The following SHCBP1L variants were observed in gnomAD, a reference collection of about 807,000 sequenced individuals.
The protein encoded by SHCBP1L is testicular spindle-associated protein SHCBP1L.
SHCBP1L carries 67 observed loss-of-function variants against 62.5 expected under a neutral mutation model. The observed-to-expected ratio is 1.07, with a 90% CI of 0.88 to 1.31. SHCBP1L has a LOEUF of 1.31. Among genes scored for constraint, SHCBP1L ranks in the 40% most tolerant of loss-of-function variants. The pLI is 0.00. For synonymous variants in SHCBP1L, 284 were observed against 289.4 expected, an observed-to-expected ratio of 0.98 and a Z score of 0.19; for missense variants, 823 against 809.8, an observed-to-expected ratio of 1.02 and a Z score of -0.20.
At chr1:182,924,709 A>AAGGG (rs1557996594) in intron 6 of SHCBP1L, among the ~76,000 whole-genome samples, 3 of 43,370 alleles carry the variant, frequency 6.9e-5, no homozygotes, top group African/African-American at 1.6e-4. Context: ...AGGAAGAAAG[A>AAGGG]AAGAAAGAAA....
In SHCBP1L at chr1:182,905,651, T is replaced by G; in HGVS notation, c.1183-2A>C. 1 of 1,608,598 alleles carries G rather than the reference T, an allele frequency of 6.2e-7. No individual in the cohort carries two copies. The highest frequency in any genetic ancestry group is 1.7e-5 in the Admixed American group (1 of 58,260). On this transcript the variant is annotated splice_acceptor_variant, in intron 6 of 9. Transcript: ENST00000367547. LOFTEE classifies it high-confidence loss of function. The stretch of plus-strand genomic sequence containing the variant: ...TGTGTCTGAAGATAAATCCTTTATC[T>G]AAAAAGAAATAAAACACTTGCGCTT...
Position 182,939,483 on chromosome 1 carries a change from C to A in SHCBP1L, c.841G>T (p.Glu281Ter). The change falls in exon 4 of 10, where the codon GAA (glutamate) becomes TAA (stop). Residue 281 changes from glutamate to a stop codon, truncating the protein, a stop_gained. Transcript: ENST00000367547. LOFTEE classifies it high-confidence loss of function. ...TATACTTACAAATTAATTCTTTCTT[C>A]AATAAGTGCAGTATAATTCTCACAA... The part of the protein sequence containing the change: ...ESCENYTALI[E>*]ERINLWCDIQ... 1 of 1,605,462 alleles carries A rather than the reference C, an allele frequency of 6.2e-7. No individual in the cohort carries two copies. The highest frequency in any genetic ancestry group is 8.5e-7 in the Non-Finnish European group (1 of 1,176,586).
chr1:182,906,870 T>G (rs1374743057), intron 6 of SHCBP1L, among the ~76,000 whole-genome samples: 1 of 151,994 alleles, frequency 6.6e-6, no homozygotes, highest in African/African-American at 2.4e-5. Context: ...CAGGCTGGAG[T>G]GCAGTGGCAC....
At chr1:182,903,908 A>G (rs532298834) in intron 8 of SHCBP1L, among the ~76,000 whole-genome samples, 1 of 152,312 alleles carries the variant, frequency 6.6e-6, no homozygotes, top group African/African-American at 2.4e-5. Context: ...TGACTGACTC[A>G]TGATTTATGT....
chr1:182,920,340 C>T (rs1210784493), intron 6 of SHCBP1L, among the ~76,000 whole-genome samples: 1 of 152,126 alleles, frequency 6.6e-6, no homozygotes, highest in Admixed American at 6.5e-5. Context: ...TGACATCTTC[C>T]AGAAATGAAG....
intron 9 of SHCBP1L, among the ~76,000 whole-genome samples, chr1:182,901,447 A>G (rs1649833116): frequency 6.6e-6 from 1 of 152,190 alleles, no homozygotes; most frequent in African/African-American, 2.4e-5. Flanking sequence ...ACAAGAGCAA[A>G]ACTCCATCTC....
At chr1:182,914,183 C>T (rs1252463026) in intron 6 of SHCBP1L, among the ~76,000 whole-genome samples, 1 of 151,974 alleles carries the variant, frequency 6.6e-6, no homozygotes, top group Non-Finnish European at 1.5e-5. Flanking sequence ...AGAAAAAATA[C>T]CTTTTCAAAA....
chr1:182,924,711 A>AG lies in SHCBP1L; in HGVS notation c.1182+4935dup, dbSNP rs1650632555. Among the ~76,000 whole-genome samples, 59 of 43,806 alleles carry AG rather than the reference A, an allele frequency of 1.3e-3. 1 individual carries two copies. The highest frequency in any genetic ancestry group is 9.5e-3 in the African/African-American group (46 of 4,850). The allele number at this position is 43,806 out of a possible 152,430, so 28.7% of individuals were successfully genotyped here. A position where few individuals can be genotyped will look rare whatever the true frequency, so the allele number is the denominator to read the frequency against. ...GAAAGGAAAGGAAAGGAAGAAAGAA[A>AG]GAAAGAAAGAAAGAAAGAAAGAAAG... On this transcript the variant is annotated intron_variant, in intron 6 of 9. Coordinates refer to ENST00000367547, the MANE Select transcript of SHCBP1L (RefSeq NM_030933.4).
chr1:182,946,377 C>T (rs867449868), intron 2 of SHCBP1L, among the ~76,000 whole-genome samples: 12 of 151,602 alleles, frequency 7.9e-5, no homozygotes, highest in Middle Eastern at 3.2e-3. Flanking sequence ...CACCCAGGCT[C>T]TTTCTGTGGT....
intron 5 of SHCBP1L, among the ~76,000 whole-genome samples, chr1:182,930,703 G>GTA (rs1217293960): frequency 0.018 from 259 of 14,264 alleles, 12 homozygotes; most frequent in Non-Finnish European, 0.025. Flanking sequence ...GTGTGTGTGT[G>GTA]TATATATATA....
intron 5 of SHCBP1L, among the ~76,000 whole-genome samples, chr1:182,936,474 C>T (rs1237433368): frequency 6.6e-6 from 1 of 151,998 alleles, no homozygotes; most frequent in Non-Finnish European, 1.5e-5. Context: ...TATTTTGTTC[C>T]ATTGTATCTA....
intron 2 of SHCBP1L, among the ~76,000 whole-genome samples, chr1:182,945,513 T>G (rs1417115418): frequency 6.6e-6 from 1 of 152,242 alleles, no homozygotes; most frequent in Non-Finnish European, 1.5e-5. Flanking sequence ...TCTCTTAGGT[T>G]GTGGCTTCTC....
intron 2 of SHCBP1L, among the ~76,000 whole-genome samples, chr1:182,947,829 C>T (rs980309632): frequency 7.2e-5 from 11 of 152,154 alleles, no homozygotes; most frequent in African/African-American, 2.7e-4. Context: ...TAGGTGTGCA[C>T]CACCACCCAG....
At chr1:182,909,371 T>G (rs1362364544) in intron 6 of SHCBP1L, among the ~76,000 whole-genome samples, 1 of 152,102 alleles carries the variant, frequency 6.6e-6, no homozygotes, top group Non-Finnish European at 1.5e-5. Context: ...GCTACAAGAA[T>G]GCGTAAAGAG....
chr1:182,945,569 G>A (rs1159336958), intron 2 of SHCBP1L, among the ~76,000 whole-genome samples: 2 of 152,044 alleles, frequency 1.3e-5, no homozygotes, highest in African/African-American at 4.8e-5. Context: ...TTACTCCCTT[G>A]ACTGTAGATG....
chr1:182,951,356 C>T lies in SHCBP1L; in HGVS notation c.517G>A (p.Glu173Lys). ...TNPSVFFVKY[E>K]EASIPFVGIL... ...CCAACAAAAGGGATAGAAGCTTCTT[C>T]ATATTTCACAAAGAATACACTGGGA... The change falls in exon 2 of 10, where the codon GAA becomes AAA. Residue 173 changes from glutamate to lysine, a missense_variant. By Grantham distance (56) the Glu-to-Lys change is moderately conservative. Transcript: ENST00000367547. The T allele has an allele frequency of 6.3e-7, 1 of 1,598,554 alleles. No individual in the cohort carries two copies. Among genetic ancestry groups the T allele is most frequent in the South Asian group, 1.1e-5 (1 of 87,714 alleles).
chr1:182,912,312 A>G (rs1258420801), intron 6 of SHCBP1L, among the ~76,000 whole-genome samples: 1 of 152,212 alleles, frequency 6.6e-6, no homozygotes, highest in African/African-American at 2.4e-5. Flanking sequence ...ACATAAATAA[A>G]TAAACTGGGT....
intron 7 of SHCBP1L, 131 bp from the exon 8 acceptor site, chr1:182,904,561 G>C: frequency 1.1e-6 from 1 of 895,078 alleles, no homozygotes. Context: ...GTGTGTGTGT[G>C]TGTGTGTGTG....
At chr1:182,933,037 T>C (rs1348719895) in intron 5 of SHCBP1L, among the ~76,000 whole-genome samples, 1 of 151,946 alleles carries the variant, frequency 6.6e-6, no homozygotes, top group East Asian at 1.9e-4. Flanking sequence ...TCCTGAGTAG[T>C]TGGGATTGCA....
Sources: gnomAD v4.1 joint callset for allele counts (sites outside exome capture counted in the v4.1 genomes callset) on GRCh38, gnomAD v4.1.1 for gene constraint, MANE v1.5 for transcripts, NCBI Gene and HGNC (gene_info 2026-07-23, HGNC 2026-07-21) for gene names.